PRKN: variants seen among roughly 807,000 people sequenced by gnomAD.
The protein encoded by PRKN is parkin RBR E3 ubiquitin protein ligase, also known as E3 ubiquitin-protein ligase parkin.
PRKN carries 56 observed loss-of-function variants against 59.5 expected under a neutral mutation model. The observed-to-expected ratio is 0.94, with a 90% CI of 0.76 to 1.18. The LOEUF (loss-of-function observed/expected upper bound fraction) is 1.18. PRKN is among the 50% of genes most tolerant of loss of function. The pLI is 0.00. For missense variants in PRKN, 657 were observed against 596.4 expected, an observed-to-expected ratio of 1.10 and a Z score of -1.06; for synonymous variants, 250 against 222.1, an observed-to-expected ratio of 1.13 and a Z score of -1.12.
intron 3 of PRKN, among the ~76,000 whole-genome samples, chr6:162,249,742 A>G (rs1183846449): frequency 1.3e-5 from 2 of 152,208 alleles, no homozygotes; most frequent in East Asian, 3.9e-4. Context: ...AAGCAGGCCT[A>G]TCTGGTTAAT....
intron 1 of PRKN, among the ~76,000 whole-genome samples, chr6:162,636,213 T>C (rs1287798893): frequency 6.6e-6 from 1 of 151,816 alleles, no homozygotes; most frequent in African/African-American, 2.4e-5. Context: ...AATCTTATTA[T>C]TGGACAATAC....
chr6:161,435,271 A>G (rs1788827812), intron 9 of PRKN, among the ~76,000 whole-genome samples: 1 of 152,200 alleles, frequency 6.6e-6, no homozygotes, highest in South Asian at 2.1e-4. Context: ...CATGCATTAT[A>G]AGCGGTTACA....
At position 162,390,233 on chromosome 6, in the gene PRKN, T is replaced by C. The variant is rs532782675; in HGVS notation, c.171+53077A>G. ...CGTTAACTGCTTTTTAAAAATTAAATGTATAACACCAAATAGTGAAAAATA... is the reference window on the plus strand; with the variant it reads ...CGTTAACTGCTTTTTAAAAATTAAACGTATAACACCAAATAGTGAAAAATA... On this transcript the variant is annotated intron_variant, in intron 2 of 11. Transcript: ENST00000366898. Among the ~76,000 whole-genome samples the C allele has an allele frequency of 2.0e-5, 3 of 151,902 alleles. No homozygotes were observed. The South Asian group carries it at 6.2e-4, about 32-fold the overall frequency.
rs116055243 is a variant in PRKN, at chr6:161,667,485, C to T, written c.872-98069G>A. ...CTGCGATGCTTTCTCCACCCCTTCA[C>T]GCAGAGTTTATTTTCTTCTCTAAAC... On this transcript the variant is annotated intron_variant, in intron 7 of 11. Coordinates refer to ENST00000366898, the MANE Select transcript of PRKN (RefSeq NM_004562.3). 3.9e-3 allele frequency among the ~76,000 whole-genome samples: 590 copies of T among 152,306 alleles called. 5 individuals are homozygous for T. The highest frequency in any genetic ancestry group is 0.013 in the African/African-American group (545 of 41,564).
Position 161,498,690 on chromosome 6 carries a change from C to G in PRKN, c.1083+50164G>C, listed in dbSNP as rs1438106438. ...ATGGAGAACGAGGTCACATCAGTCT[C>G]CCTGCCAACCCTATTGGACAGGCCT... On this transcript the variant is annotated intron_variant, in intron 9 of 11. Coordinates refer to ENST00000366898, the MANE Select transcript of PRKN (RefSeq NM_004562.3). This position sits in a 1 kb window ranked among gnomAD's most constrained non-coding sequence, Gnocchi z 4.2. Among the ~76,000 whole-genome samples, 1 of 152,200 alleles carries G rather than the reference C, an allele frequency of 6.6e-6. No individual in the cohort carries two copies. The highest frequency in any genetic ancestry group is 2.4e-5 in the African/African-American group (1 of 41,454).
chr6:162,601,923 T>C (rs1242253730), intron 1 of PRKN, among the ~76,000 whole-genome samples: 1 of 152,218 alleles, frequency 6.6e-6, no homozygotes, highest in Non-Finnish European at 1.5e-5. Context: ...ATCTATCATG[T>C]GTTTTCTCAC....
intron 1 of PRKN, among the ~76,000 whole-genome samples, chr6:162,478,246 GC>G (rs1222739245): frequency 6.6e-6 from 1 of 152,142 alleles, no homozygotes; most frequent in Non-Finnish European, 1.5e-5. Context: ...TCAGGCTGCG[GC>G]TCAGAGTTCT....
intron 1 of PRKN, among the ~76,000 whole-genome samples, chr6:162,595,591 T>C (rs538704502): frequency 1.1e-3 from 164 of 152,292 alleles, no homozygotes; most frequent in African/African-American, 3.6e-3. Context: ...GCTCTAACAA[T>C]TACAGTTATT....
At chr6:162,609,627 C>G (rs183507084) in intron 1 of PRKN, among the ~76,000 whole-genome samples, 1 of 152,206 alleles carries the variant, frequency 6.6e-6, no homozygotes, top group Admixed American at 6.5e-5. Context: ...ACATTTTAGC[C>G]AAGCTTCAAC....
At chr6:162,397,465 T>G (rs1407671231) in intron 2 of PRKN, among the ~76,000 whole-genome samples, 3 of 151,972 alleles carry the variant, frequency 2.0e-5, no homozygotes, top group Non-Finnish European at 4.4e-5. Flanking sequence ...ACATCTTCTA[T>G]ATGCACACGG....
At chr6:161,450,906 T>A (rs1368875513) in intron 9 of PRKN, among the ~76,000 whole-genome samples, 1 of 152,156 alleles carries the variant, frequency 6.6e-6, no homozygotes, top group African/African-American at 2.4e-5. Flanking sequence ...ATACCATTAA[T>A]GTAAATAGAA....
At chr6:162,340,383 T>G (rs550223868) in intron 2 of PRKN, among the ~76,000 whole-genome samples, 1 of 152,192 alleles carries the variant, frequency 6.6e-6, no homozygotes, top group South Asian at 2.1e-4. Flanking sequence ...TCTTAAAGGT[T>G]TGTGAATAAA....
At chr6:161,678,216 CTTTTT>C (rs3066554) in intron 7 of PRKN, among the ~76,000 whole-genome samples, 5 of 64,946 alleles carry the variant, frequency 7.7e-5, no homozygotes, top group African/African-American at 3.9e-4. Context: ...TACTGAATCA[CTTTTT>C]TTTTTTTTTT....
intron 4 of PRKN, among the ~76,000 whole-genome samples, chr6:162,139,513 G>C (rs1583089365): frequency 6.6e-6 from 1 of 152,212 alleles, no homozygotes; most frequent in East Asian, 1.9e-4. Context: ...GCCCACTGCA[G>C]GGTAAAGAGA....
At chr6:161,733,914 T>C (rs980420921) in intron 7 of PRKN, among the ~76,000 whole-genome samples, 10 of 150,074 alleles carry the variant, frequency 6.7e-5, no homozygotes, top group South Asian at 2.1e-4. Context: ...TTTTCTCTTC[T>C]AATAAATACT....
intron 4 of PRKN, among the ~76,000 whole-genome samples, chr6:162,138,443 T>C (rs982912721): frequency 1.3e-5 from 2 of 152,204 alleles, no homozygotes; most frequent in African/African-American, 4.8e-5. Flanking sequence ...AGACAAACTT[T>C]TTTTAAACAG....
At position 162,458,659 on chromosome 6, in the gene PRKN, T is replaced by TCC. The variant is rs1208713474; in HGVS notation, c.8-15188_8-15187dup. Among the ~76,000 whole-genome samples, 478 of 141,756 alleles carry TCC rather than the reference T, an allele frequency of 3.4e-3. 1 individual carries two copies. The highest frequency in any genetic ancestry group is 7.2e-3 in the Middle Eastern group (2 of 276). 93.0% of individuals were successfully genotyped at this position (141,756 alleles called of 152,430 possible). On this transcript the variant is annotated intron_variant, in intron 1 of 11. Coordinates refer to ENST00000366898, the MANE Select transcript of PRKN (RefSeq NM_004562.3). ...TTTTTGTTGCCTTTTTTTTTTTTTT[T>TCC]CCCAGTGGCAGCTTGTAACTTTATC...
At chr6:161,358,351 C>T (rs1383066956) in intron 11 of PRKN, among the ~76,000 whole-genome samples, 4 of 140,650 alleles carry the variant, frequency 2.8e-5, no homozygotes, top group Non-Finnish European at 6.1e-5. Context: ...GGCTCACACC[C>T]GTAATCCCAG....
At chr6:162,531,559 C>G (rs1303322589) in intron 1 of PRKN, among the ~76,000 whole-genome samples, 1 of 151,902 alleles carries the variant, frequency 6.6e-6, no homozygotes, top group East Asian at 1.9e-4. Flanking sequence ...TCAGTCAGTT[C>G]CTAGGTGGGA....
Sources: allele counts gnomAD v4.1 joint callset (sites outside exome capture counted in the v4.1 genomes callset), GRCh38; gene constraint gnomAD v4.1.1; non-coding constraint Gnocchi (gnomAD v3.1); transcripts MANE v1.5; gene names NCBI Gene and HGNC (gene_info 2026-07-23, HGNC 2026-07-21).